CEP131: variants seen among roughly 807,000 people sequenced by gnomAD.
CEP131 encodes the protein centrosomal protein of 131 kDa.
A neutral mutation model predicts 136.8 loss-of-function variants in CEP131; 99 were observed. The observed-to-expected ratio is 0.72, with a 90% CI of 0.62 to 0.86. CEP131 has a LOEUF of 0.86. Ranked by LOEUF, CEP131 falls within the 40% of genes least tolerant of loss-of-function variation. CEP131 has a pLI of 0.00. For missense variants in CEP131, 1,459 were observed against 1,463.0 expected (o/e 1.00, Z 0.04); for synonymous variants, 646 against 612.7 (o/e 1.05, Z -0.80).
intron 21 of CEP131, among the ~76,000 whole-genome samples, chr17:81,191,656 T>G (rs1598263987): frequency 6.6e-6 from 1 of 152,296 alleles, no homozygotes; most frequent in East Asian, 1.9e-4. Flanking sequence ...GGGCGGGGCC[T>G]GGGCCCCCAA....
At position 81,206,733 on chromosome 17, in the gene CEP131, A is replaced by G. The variant is rs747228925; in HGVS notation, c.515+11T>C. Reference sequence around the variant, plus strand: ...ACTGGTGCCCGTCGTGGGCACCTGCACAGGTCGTACCTGTTGTTAGCAGTG... The same window carrying G: ...ACTGGTGCCCGTCGTGGGCACCTGCGCAGGTCGTACCTGTTGTTAGCAGTG... On this transcript the variant is annotated intron_variant, in intron 5 of 25. Coordinates refer to ENST00000450824, the MANE Select transcript of CEP131 (RefSeq NM_014984.4). 6.2e-7 allele frequency: 1 copy of G among 1,608,652 alleles called. No homozygotes were observed.
intron 11 of CEP131, 46 bp from the exon 12 acceptor site, chr17:81,198,343 G>A: frequency 6.6e-7 from 1 of 1,522,176 alleles, no homozygotes; most frequent in Non-Finnish European, 8.9e-7. Context: ...GCTGGTAGCT[G>A]AGAGCAGCCC....
rs1422295140 is a variant in CEP131, at chr17:81,208,398, C to A, written c.272+530G>T. Among the ~76,000 whole-genome samples, 1 of 152,160 alleles carries A rather than the reference C, an allele frequency of 6.6e-6. No homozygotes were observed. Among genetic ancestry groups the A allele is most frequent in the Non-Finnish European group, 1.5e-5 (1 of 68,028 alleles). On this transcript the variant is annotated intron_variant, in intron 3 of 25. Transcript: ENST00000450824. The surrounding 1 kb of genome is among the most constrained non-coding windows in gnomAD (Gnocchi z 5.6). ...TCAGGACCTCGCCCACCACTCTGGG[C>A]TAGAGGATGTCCCCCCGGAGGCTGC...
At position 81,207,176 on chromosome 17, in the gene CEP131, A is replaced by G. The variant is rs201623784; in HGVS notation, c.336T>C (p.Pro112=). Residue 112 remains proline (P), a synonymous_variant, in exon 4 of 26, where the codon CCT becomes CCC. Transcript: ENST00000450824. ...CGCTGGGGGCTGTGCTCAGGCTGGC[A>G]GGCCTCTTTTTCCCACTGGGGCTGC... ...FEGSPSGKKR[P]ASLSTAPSEK... is the part of the protein sequence containing the mutation. The G allele has an allele frequency of 3.1e-6, 5 of 1,613,592 alleles. No individual in the cohort carries two copies. Among genetic ancestry groups the G allele is most frequent in the South Asian group, 2.2e-5 (2 of 91,064 alleles).
At position 81,197,841 on chromosome 17, in the gene CEP131, T is replaced by G. The variant is rs2061798632; in HGVS notation, c.1518A>C (p.Gly506=). The change falls in exon 13 of 26, where the codon GGA becomes GGC. Residue 506 remains glycine, a synonymous_variant. Coordinates refer to ENST00000450824, the MANE Select transcript of CEP131 (RefSeq NM_014984.4). The part of the protein sequence containing the change: ...SLTADNLEKF[G]KLSAFPEPPE... ...GAGGTTCGGGGAACGCACTGAGTTT[T>G]CCAAATTTCTCCAAGTTGTCAGCTG... The G allele has an allele frequency of 6.2e-7, 1 of 1,613,046 alleles. No homozygotes were observed. Among genetic ancestry groups the G allele is most frequent in the African/African-American group, 1.3e-5 (1 of 74,926 alleles).
At position 81,207,141 on chromosome 17, in the gene CEP131, G is replaced by C. The variant is rs753942447; in HGVS notation, c.371C>G (p.Ala124Gly). 1 of 1,612,668 alleles carries C rather than the reference G, an allele frequency of 6.2e-7. No individual in the cohort carries two copies. Among genetic ancestry groups the C allele is most frequent in the Non-Finnish European group, 8.5e-7 (1 of 1,179,680 alleles). Residue 124 changes from alanine (A) to glycine (G), a missense_variant, in exon 4 of 26, where the codon GCC becomes GGC. This residue lies in a region of CEP131 where 187 missense variants were observed against 179.9 expected (regional missense o/e 1.04). Transcript: ENST00000450824. ...SLSTAPSEKG[A>G]TWNVLDDQPR... is the part of the protein sequence containing the mutation. ...CCACCTTACCAGGACGTTCCAGGTG[G>C]CTCCCTTCTCGCTGGGGGCTGTGCT...
intron 2 of CEP131, among the ~76,000 whole-genome samples, chr17:81,218,631 G>A (rs576728311): frequency 2.6e-5 from 4 of 152,344 alleles, no homozygotes; most frequent in Admixed American, 6.5e-5. Flanking sequence ...AGGACATCCC[G>A]GGTCCCCGCC....
intron 13 of CEP131, 52 bp downstream of exon 13, chr17:81,197,660 C>A (rs368740709): frequency 5.8e-6 from 9 of 1,555,978 alleles, no homozygotes; most frequent in Admixed American, 5.4e-5. Flanking sequence ...GGTGCAGGCT[C>A]GTGAGGGGCC....
Position 81,197,083 on chromosome 17 carries a change from A to G in CEP131, c.1648-28T>C, listed in dbSNP as rs1018946279. ...GCAGACACAGCCGAGCGTCAGGCGG[A>G]AGCGGCAGAGGACGGGGGGCAGCCA... On this transcript the variant is annotated intron_variant, in intron 13 of 25. Coordinates refer to ENST00000450824, the MANE Select transcript of CEP131 (RefSeq NM_014984.4). 4.5e-6 allele frequency: 7 copies of G among 1,571,498 alleles called. No homozygotes were observed. In the African/African-American group the frequency reaches 9.5e-5, roughly 21 times the overall value.
intron 2 of CEP131, among the ~76,000 whole-genome samples, chr17:81,209,515 A>G (rs1017784857): frequency 6.6e-6 from 1 of 152,242 alleles, no homozygotes; most frequent in African/African-American, 2.4e-5. Context: ...CAGCGGTTCC[A>G]GGTCCGTGGA....
chr17:81,197,237 C>T (rs767252511), intron 13 of CEP131, among the ~76,000 whole-genome samples, 182 bp from the exon 14 acceptor site: 2 of 152,206 alleles, frequency 1.3e-5, no homozygotes, highest in African/African-American at 4.8e-5. Context: ...TTGCTCAGTA[C>T]AGGAAATGGG....
chr17:81,198,128 G>C lies in CEP131; in HGVS notation c.1457C>G (p.Ala486Gly), dbSNP rs2061807038. 6.4e-7 allele frequency: 1 copy of C among 1,567,002 alleles called. No homozygotes were observed. Among genetic ancestry groups the C allele is most frequent in the Admixed American group, 1.8e-5 (1 of 54,178 alleles). Residue 486 changes from alanine (A) to glycine (G), a missense_variant, in exon 12 of 26, where the codon GCC becomes GGC. By Grantham distance (60) the Ala-to-Gly change is moderately conservative (BLOSUM62 0). Transcript: ENST00000450824. ...RPRTHHRGRY[A>G]WASEEDDASS... The stretch of plus-strand genomic sequence containing the variant: ...CACCGTGGTCACCTCGCTGGCCCAG[G>C]CGTATCTGCCCCTGTGATGGGTCCT...
intron 7 of CEP131, among the ~76,000 whole-genome samples, chr17:81,201,909 G>T: frequency 6.6e-6 from 1 of 152,040 alleles, no homozygotes; most frequent in Non-Finnish European, 1.5e-5. Flanking sequence ...AGAACATCCT[G>T]GCTAACACGG....
intron 13 of CEP131, chr17:81,197,485 C>T: frequency 1.5e-6 from 1 of 653,532 alleles, no homozygotes; most frequent in Non-Finnish European, 2.5e-6. Flanking sequence ...GGAATGCGGG[C>T]CCTGCCACCT....
Position 81,196,917 on chromosome 17 carries a change from C to G in CEP131, c.1773+13G>C. The G allele has an allele frequency of 6.2e-7, 1 of 1,608,984 alleles. No individual in the cohort carries two copies. Among genetic ancestry groups the G allele is most frequent in the South Asian group, 1.1e-5 (1 of 90,092 alleles). On this transcript the variant is annotated intron_variant, in intron 14 of 25. Coordinates refer to ENST00000450824, the MANE Select transcript of CEP131 (RefSeq NM_014984.4). ...CTAGCAGGGCCCGGGATTAGCAGTG[C>G]CAGCAGCGTTACCAGCGCTCTCTGC...
intron 2 of CEP131, among the ~76,000 whole-genome samples, 188 bp from the exon 3 acceptor site, chr17:81,209,210 G>A (rs1388367863): frequency 6.6e-6 from 1 of 152,156 alleles, no homozygotes; most frequent in African/African-American, 2.4e-5. Flanking sequence ...AGGGCAGCGC[G>A]AGGGGGGCTC....
At chr17:81,194,488 G>A (rs1038013626) in intron 17 of CEP131, among the ~76,000 whole-genome samples, 6 of 152,310 alleles carry the variant, frequency 3.9e-5, no homozygotes, top group Non-Finnish European at 7.4e-5. Context: ...CCAGCCTCCT[G>A]CCCCATCCGC....
chr17:81,207,792 C>T (rs2062039482), intron 3 of CEP131, among the ~76,000 whole-genome samples: 1 of 149,866 alleles, frequency 6.7e-6, no homozygotes, highest in Non-Finnish European at 1.5e-5. Flanking sequence ...CCACTGCCAC[C>T]CTGCCCCATG....
At position 81,192,748 on chromosome 17, in the gene CEP131, T is replaced by C; in HGVS notation, c.2417A>G (p.Gln806Arg). The change falls in exon 19 of 26, where the codon CAG (glutamine) becomes CGG (arginine). Residue 806 changes from glutamine (Q) to arginine (R), a missense_variant. Transcript: ENST00000450824. ...EVAEERERLG[Q>R]QAARQRAELE... ...CCCCGGGCGGCACCTGGCTGCCTGC[T>C]GGCCCAGCCGCTCCCTCTCCTCAGC... 1 of 1,583,096 alleles carries C rather than the reference T, an allele frequency of 6.3e-7. No individual in the cohort carries two copies. Among genetic ancestry groups the C allele is most frequent in the Non-Finnish European group, 8.6e-7 (1 of 1,167,260 alleles).
Sources: gnomAD v4.1 joint callset for allele counts (sites outside exome capture counted in the v4.1 genomes callset) on GRCh38, gnomAD v4.1.1 for gene constraint, gnomAD v4.1.1 regional missense constraint, Gnocchi (gnomAD v3.1) non-coding constraint, MANE v1.5 for transcripts, NCBI Gene and HGNC (gene_info 2026-07-23, HGNC 2026-07-21) for gene names.